ANO3: variants seen among roughly 807,000 people sequenced by gnomAD.
The protein encoded by ANO3 is anoctamin-3.
A neutral mutation model predicts 144.8 loss-of-function variants in ANO3; 99 were observed. The ratio of observed to expected loss-of-function variants is 0.68; its 90% CI spans 0.58 to 0.81. The LOEUF is 0.81. Among genes scored for constraint, ANO3 ranks in the 30% least tolerant of loss-of-function variants. The pLI is 0.00. For synonymous variants in ANO3, 414 were observed against 392.6 expected, an observed-to-expected ratio of 1.05 and a Z score of -0.64; for missense variants, 905 against 1,202.2, an observed-to-expected ratio of 0.75 and a Z score of 3.66.
At chr11:26,264,877 C>CA (rs1349656931) in intron 1 of ANO3, among the ~76,000 whole-genome samples, 3 of 149,042 alleles carry the variant, frequency 2.0e-5, no homozygotes, top group East Asian at 2.0e-4. Flanking sequence ...TTTTTTTTTT[C>CA]AAAAAATGTC....
At chr11:26,360,011 GAAT>G (rs1855882430) in intron 1 of ANO3, among the ~76,000 whole-genome samples, 1 of 151,536 alleles carries the variant, frequency 6.6e-6, no homozygotes, top group African/African-American at 2.4e-5. Context: ...ATTAATATAT[GAAT>G]AATATAAGTT....
At chr11:26,228,924 A>G (rs1465148169) in intron 1 of ANO3, among the ~76,000 whole-genome samples, 4 of 152,220 alleles carry the variant, frequency 2.6e-5, no homozygotes, top group Non-Finnish European at 5.9e-5. Context: ...TTGTTGAAAA[A>G]TTGTATTAGT....
At position 26,506,389 on chromosome 11, in the gene ANO3, G is replaced by A. The variant is rs150201007; in HGVS notation, c.433-1715G>A. Reference sequence around the variant, plus strand: ...ACCTCTTTGGCTTCTATGTACTCTTGTCAATATTTACCTTCATGAGTTATG... The same window carrying A: ...ACCTCTTTGGCTTCTATGTACTCTTATCAATATTTACCTTCATGAGTTATG... On this transcript the variant is annotated intron_variant, in intron 4 of 26. Transcript: ENST00000256737. Among the ~76,000 whole-genome samples, 23 of 152,206 alleles carry A rather than the reference G, an allele frequency of 1.5e-4. No individual in the cohort carries two copies. The East Asian group carries it at 4.4e-3, about 29-fold the overall frequency.
chr11:26,488,805 G>A (rs1860576009), intron 4 of ANO3, among the ~76,000 whole-genome samples: 1 of 152,134 alleles, frequency 6.6e-6, no homozygotes, highest in Non-Finnish European at 1.5e-5. Context: ...AGCTTCCACA[G>A]CCTCGAAAGG....
chr11:26,190,706 A>C (rs920102342), intron 1 of ANO3, among the ~76,000 whole-genome samples: 1 of 152,188 alleles, frequency 6.6e-6, no homozygotes, highest in African/African-American at 2.4e-5. Context: ...GAGTTAGCAC[A>C]TCCATTCCAT....
intron 1 of ANO3, among the ~76,000 whole-genome samples, chr11:26,426,457 G>A (rs914391298): frequency 1.1e-4 from 16 of 151,720 alleles, no homozygotes; most frequent in Non-Finnish European, 1.9e-4. Context: ...TTTGTACATT[G>A]AAGTATTTCC....
intron 1 of ANO3, among the ~76,000 whole-genome samples, chr11:26,200,646 G>A (rs1388329375): frequency 6.6e-6 from 1 of 152,120 alleles, no homozygotes; most frequent in African/African-American, 2.4e-5. Flanking sequence ...AAGATACAGA[G>A]AACCAGGGCA....
At chr11:26,208,797 G>A (rs138601469) in intron 1 of ANO3, among the ~76,000 whole-genome samples, 1 of 152,124 alleles carries the variant, frequency 6.6e-6, no homozygotes, top group Non-Finnish European at 1.5e-5. Flanking sequence ...TGATGATTTT[G>A]ATAAATATTT....
chr11:26,189,671 A>G (rs1309569938), intron 1 of ANO3, among the ~76,000 whole-genome samples: 1 of 152,190 alleles, frequency 6.6e-6, no homozygotes, highest in East Asian at 1.9e-4. Context: ...AATCTTAACC[A>G]TAAACTGCAA....
intron 1 of ANO3, among the ~76,000 whole-genome samples, chr11:26,386,709 T>C (rs1248528737): frequency 6.6e-6 from 1 of 152,190 alleles, no homozygotes; most frequent in Admixed American, 6.6e-5. Flanking sequence ...GTAAGGACTA[T>C]GTAATCTTTA....
intron 1 of ANO3, among the ~76,000 whole-genome samples, chr11:26,293,723 G>T (rs964777415): frequency 6.6e-6 from 1 of 151,650 alleles, no homozygotes; most frequent in African/African-American, 2.4e-5. Flanking sequence ...TTTTACAGAT[G>T]AAGAAATTGA....
intron 14 of ANO3, among the ~76,000 whole-genome samples, chr11:26,576,219 T>C (rs992903090): frequency 1.3e-5 from 2 of 152,202 alleles, no homozygotes; most frequent in Admixed American, 1.3e-4. Flanking sequence ...CCTTGGATAA[T>C]TGCCATCACG....
upstream of ANO3, chr11:26,332,122 C>CA: frequency 6.7e-7 from 1 of 1,491,582 alleles, no homozygotes; most frequent in Admixed American, 2.2e-5. Flanking sequence ...CCGGCGGGCG[C>CA]GTAGCCTGGA....
Position 26,647,805 on chromosome 11 carries a change from T to A in ANO3, c.2525T>A (p.Val842Asp). ...AITSDYIPRFVYEYKYGPCAN... is the reference protein window; with the variant it reads ...AITSDYIPRFDYEYKYGPCAN... ...ACTTCTGATTACATCCCACGTTTTG[T>A]TTATGAATACAAATATGGCCCCTGT... Residue 842 changes from valine to aspartate, a missense_variant, in exon 24 of 27, where the codon GTT (valine) becomes GAT (aspartate). Val to Asp is a radical substitution (Grantham distance 152, BLOSUM62 -3). Transcript: ENST00000256737. 6.2e-7 allele frequency: 1 copy of A among 1,613,564 alleles called. No individual in the cohort carries two copies. Among genetic ancestry groups the A allele is most frequent in the East Asian group, 2.2e-5 (1 of 44,824 alleles).
chr11:26,657,489 A>G (rs1223291757), intron 26 of ANO3, among the ~76,000 whole-genome samples: 1 of 152,092 alleles, frequency 6.6e-6, no homozygotes, highest in African/African-American at 2.4e-5. Context: ...TTGGAGCTCA[A>G]ATGAACAAAG....
intron 1 of ANO3, among the ~76,000 whole-genome samples, chr11:26,289,757 G>GTA (rs1183390524): frequency 7.5e-6 from 1 of 133,810 alleles, no homozygotes; most frequent in Non-Finnish European, 1.6e-5. Flanking sequence ...TTCTATATGT[G>GTA]TATATATATG....
intron 18 of ANO3, among the ~76,000 whole-genome samples, chr11:26,628,671 A>G (rs1852671481): frequency 6.6e-6 from 1 of 152,224 alleles, no homozygotes; most frequent in African/African-American, 2.4e-5. Context: ...GTCTGTTGCC[A>G]CATAGCCTTT....
At chr11:26,601,796 T>C (rs1851806630) in intron 17 of ANO3, among the ~76,000 whole-genome samples, 1 of 152,202 alleles carries the variant, frequency 6.6e-6, no homozygotes, top group South Asian at 2.1e-4. Context: ...AAAAGATAAC[T>C]AAGTAGTTGT....
At chr11:26,493,961 T>C (rs2134111277) in intron 4 of ANO3, among the ~76,000 whole-genome samples, 1 of 152,328 alleles carries the variant, frequency 6.6e-6, no homozygotes, top group East Asian at 1.9e-4. Flanking sequence ...TAAGCTAAGA[T>C]GTTAGTGGCT....
Sources: gnomAD v4.1 joint callset for allele counts (sites outside exome capture counted in the v4.1 genomes callset) on GRCh38, gnomAD v4.1.1 for gene constraint, MANE v1.5 for transcripts, NCBI Gene and HGNC (gene_info 2026-07-23, HGNC 2026-07-21) for gene names.